Variants in SPATA17 observed in about 807,000 individuals in gnomAD.
SPATA17 encodes the protein spermatogenesis-associated protein 17.
A neutral mutation model predicts 62.2 loss-of-function variants in SPATA17; 53 were observed. The ratio of observed to expected loss-of-function variants is 0.85; its 90% CI spans 0.68 to 1.07. The LOEUF is 1.07. Ranked by LOEUF, SPATA17 falls within the 50% of genes least tolerant of loss-of-function variation. The pLI, the probability that SPATA17 is intolerant of heterozygous loss-of-function variation, is 0.00. For missense variants in SPATA17, 466 were observed against 425.5 expected (o/e 1.10, Z -0.84); for synonymous variants, 146 against 146.8 (o/e 0.99, Z 0.04).
At chr1:217,768,781 C>T (rs1673365887) in intron 6 of SPATA17, among the ~76,000 whole-genome samples, 1 of 152,036 alleles carries the variant, frequency 6.6e-6, no homozygotes, top group East Asian at 1.9e-4. Context: ...CGTGAGCCAC[C>T]GTGCCCGGTC....
At chr1:217,729,670 G>T (rs780803031) in intron 5 of SPATA17, among the ~76,000 whole-genome samples, 2 of 152,042 alleles carry the variant, frequency 1.3e-5, no homozygotes, top group East Asian at 3.9e-4. Flanking sequence ...ACAAGCCAGG[G>T]TGTCCAACAT....
chr1:217,851,259 TCC>T (rs1675659269), intron 9 of SPATA17, among the ~76,000 whole-genome samples: 1 of 152,076 alleles, frequency 6.6e-6, no homozygotes, highest in South Asian at 2.1e-4. Flanking sequence ...TATTGATATA[TCC>T]TATAATTACA....
chr1:217,715,382 A>G (rs1671978191), intron 5 of SPATA17, among the ~76,000 whole-genome samples: 1 of 152,190 alleles, frequency 6.6e-6, no homozygotes, highest in South Asian at 2.1e-4. Flanking sequence ...AGAATGACTA[A>G]TGGATTTATC....
At chr1:217,799,666 A>G (rs934558790) in intron 8 of SPATA17, among the ~76,000 whole-genome samples, 4 of 152,000 alleles carry the variant, frequency 2.6e-5, no homozygotes, top group Non-Finnish European at 5.9e-5. Context: ...ATTAATAAAT[A>G]TTAAAAAGAA....
At chr1:217,709,053 T>A (rs909400073) in intron 5 of SPATA17, among the ~76,000 whole-genome samples, 2 of 152,176 alleles carry the variant, frequency 1.3e-5, no homozygotes, top group Non-Finnish European at 2.9e-5. Flanking sequence ...AAGAGCCATC[T>A]ATGACAAACT....
At chr1:217,648,797 A>G in intron 1 of SPATA17, 85 bp from the exon 2 acceptor site, 3 of 699,950 alleles carry the variant, frequency 4.3e-6, no homozygotes, top group South Asian at 5.1e-5. Flanking sequence ...ATCTTGGAAG[A>G]AATTAAAAAT....
chr1:217,784,183 T>C (rs1407513349), intron 8 of SPATA17, among the ~76,000 whole-genome samples: 1 of 152,146 alleles, frequency 6.6e-6, no homozygotes, highest in Non-Finnish European at 1.5e-5. Context: ...GTTAGAAATA[T>C]AGGTTTTATA....
At chr1:217,669,374 A>G (rs1269237640) in intron 4 of SPATA17, among the ~76,000 whole-genome samples, 1 of 152,220 alleles carries the variant, frequency 6.6e-6, no homozygotes, top group African/African-American at 2.4e-5. Flanking sequence ...ATTAGTTTCC[A>G]TATATCATAT....
At chr1:217,652,899 G>A (rs1159738717) in intron 3 of SPATA17, among the ~76,000 whole-genome samples, 4 of 152,296 alleles carry the variant, frequency 2.6e-5, no homozygotes, top group East Asian at 1.9e-4. Flanking sequence ...ATAAGAATGT[G>A]TGGGAGATTT....
chr1:217,770,984 T>A (rs1330248430), intron 6 of SPATA17, among the ~76,000 whole-genome samples: 14 of 107,936 alleles, frequency 1.3e-4, no homozygotes, highest in African/African-American at 3.4e-4. Flanking sequence ...TTGCATTTTT[T>A]TTTTTTTTTT....
chr1:217,710,145 G>T (rs1334828726), intron 5 of SPATA17, among the ~76,000 whole-genome samples: 2 of 152,112 alleles, frequency 1.3e-5, no homozygotes, highest in Non-Finnish European at 2.9e-5. Context: ...AAAAAAAATT[G>T]TGTGGTACAT....
chr1:217,777,273 T>A (rs186083385), intron 7 of SPATA17, among the ~76,000 whole-genome samples: 1 of 152,354 alleles, frequency 6.6e-6, no homozygotes, highest in Non-Finnish European at 1.5e-5. Context: ...TTAATACTAT[T>A]AACTGATGGT....
At chr1:217,670,751 G>C (rs543628924) in intron 4 of SPATA17, among the ~76,000 whole-genome samples, 25 of 152,090 alleles carry the variant, frequency 1.6e-4, no homozygotes, top group African/African-American at 5.8e-4. Flanking sequence ...AGGAGTTCGA[G>C]GCCAGCCTGG....
chr1:217,643,800 C>G (rs1286482306), intron 1 of SPATA17, among the ~76,000 whole-genome samples: 1 of 151,784 alleles, frequency 6.6e-6, no homozygotes, highest in Non-Finnish European at 1.5e-5. Flanking sequence ...ACGACCTCAG[C>G]TCACTGCAAC....
chr1:217,727,799 C>G (rs1672302867), intron 5 of SPATA17, among the ~76,000 whole-genome samples: 1 of 152,102 alleles, frequency 6.6e-6, no homozygotes, highest in Non-Finnish European at 1.5e-5. Context: ...CTCAATAGAC[C>G]TCAGCATGAA....
intron 6 of SPATA17, among the ~76,000 whole-genome samples, chr1:217,757,262 T>A (rs1340953966): frequency 1.3e-5 from 2 of 152,184 alleles, no homozygotes; most frequent in Non-Finnish European, 2.9e-5. Flanking sequence ...AGACAGATAG[T>A]TGGAGATAAA....
At position 217,812,878 on chromosome 1, in the gene SPATA17, T is replaced by C. The variant is rs1674626644; in HGVS notation, c.1005+11028T>C. The stretch of plus-strand genomic sequence containing the variant: ...TAGACAACTGATTTTAATGGAACCA[T>C]TTGATGTTTTCCCTTGTTTGAAAAA... On this transcript the variant is annotated intron_variant, in intron 9 of 10. Transcript: ENST00000366933. 3.3e-5 allele frequency among the ~76,000 whole-genome samples: 5 copies of C among 152,204 alleles called. No individual in the cohort carries two copies. In the South Asian group the frequency reaches 1.0e-3, roughly 31 times the overall value.
rs906273950 is a variant in SPATA17, at chr1:217,803,758, C to T, written c.1005+1908C>T. ...CTTGGCCAGGCAGGGTGGCTCATGC[C>T]TGTAATCCCAGCACTTTGGGAGGCC... On this transcript the variant is annotated intron_variant, in intron 9 of 10. Transcript: ENST00000366933. Among the ~76,000 whole-genome samples, 4 of 152,176 alleles carry T rather than the reference C, an allele frequency of 2.6e-5. No individual in the cohort carries two copies. The East Asian group carries it at 7.7e-4, about 29-fold the overall frequency.
intron 9 of SPATA17, among the ~76,000 whole-genome samples, chr1:217,848,648 A>T (rs1407194769): frequency 6.6e-6 from 1 of 152,136 alleles, no homozygotes; most frequent in African/African-American, 2.4e-5. Flanking sequence ...CCTACAAGTA[A>T]TTGATAAATT....
Sources: gnomAD v4.1 joint callset for allele counts (sites outside exome capture counted in the v4.1 genomes callset) on GRCh38, gnomAD v4.1.1 for gene constraint, MANE v1.5 for transcripts, NCBI Gene and HGNC (gene_info 2026-07-23, HGNC 2026-07-21) for gene names.